The following ZNF138 variants were observed in gnomAD, a reference collection of about 807,000 sequenced individuals.
The protein encoded by ZNF138 is zinc finger protein 138 (clone pHZ-32).
Under a neutral mutation model 33.0 loss-of-function variants are expected in ZNF138, and 33 were observed. The observed-to-expected ratio is 1.00, with a 90% confidence interval of 0.76 to 1.34. The LOEUF (loss-of-function observed/expected upper bound fraction) is 1.34. Ranked by LOEUF, ZNF138 falls within the 40% of genes most tolerant of loss-of-function variation. The probability of loss-of-function intolerance (pLI) is 0.00; values close to 1 mark genes in which losing one functional copy is unlikely to be tolerated. For synonymous variants in ZNF138, 139 were observed against 120.4 expected (o/e 1.15, Z -1.01); for missense variants, 360 against 370.8 (o/e 0.97, Z 0.24).
chr7:64,809,602 C>T (rs1019107963), intron 1 of ZNF138, among the ~76,000 whole-genome samples: 5 of 147,898 alleles, frequency 3.4e-5, no homozygotes, highest in African/African-American at 1.2e-4. Flanking sequence ...GCTGACCCCC[C>T]CCACACCTCC....
At chr7:64,797,624 A>T (rs928273361) in intron 1 of ZNF138, among the ~76,000 whole-genome samples, 1 of 152,200 alleles carries the variant, frequency 6.6e-6, no homozygotes, top group Non-Finnish European at 1.5e-5. Context: ...GAGAAGCTAC[A>T]GAGCCCTGGA....
At chr7:64,825,154 CTTTTTTTTTTTTTTTTTTTTTTT>C (rs71061316) in intron 3 of ZNF138, among the ~76,000 whole-genome samples, 37 of 46,020 alleles carry the variant, frequency 8.0e-4, no homozygotes, top group African/African-American at 3.4e-3. Context: ...GTTGTATGCT[CTTTTTTTTTTTTTTTTTTTTTTT>C]TTTTTTTTTT....
the ZNF138 span, among the ~76,000 whole-genome samples, chr7:64,843,822 A>AT: frequency 2.2e-3 from 260 of 117,890 alleles, 1 homozygote; most frequent in African/African-American, 6.7e-3. Context: ...AGGTTAGTTT[A>AT]TTTTTTTTAT....
chr7:64,850,692 C>T, the ZNF138 span, among the ~76,000 whole-genome samples: 1 of 152,146 alleles, frequency 6.6e-6, no homozygotes, highest in South Asian at 2.1e-4. Context: ...TCTCTCTGTG[C>T]TTGACTCTTC....
chr7:64,815,704 G>A (rs1485929830), intron 3 of ZNF138, 51 bp downstream of exon 3: 2 of 1,513,612 alleles, frequency 1.3e-6, no homozygotes, highest in Non-Finnish European at 1.8e-6. Context: ...CAAAGGCCAA[G>A]GAGAAGACCA....
chr7:64,811,272 G>C (rs1450806266), intron 1 of ZNF138, among the ~76,000 whole-genome samples: 1 of 152,196 alleles, frequency 6.6e-6, no homozygotes, highest in Admixed American at 6.5e-5. Flanking sequence ...CCAGCAAAGT[G>C]CTCTGTAACA....
intron 1 of ZNF138, among the ~76,000 whole-genome samples, chr7:64,809,620 AC>A (rs1166582903): frequency 5.5e-5 from 8 of 145,792 alleles, no homozygotes; most frequent in Non-Finnish European, 1.1e-4. Context: ...TCCCTCCCAG[AC>A]GGGGTGGCTG....
chr7:64,795,269 A>G (rs1025249239), intron 1 of ZNF138, among the ~76,000 whole-genome samples: 42 of 152,170 alleles, frequency 2.8e-4, no homozygotes, highest in African/African-American at 1.0e-3. Context: ...TTTTTTTAAA[A>G]CCAGAAACCC....
At chr7:64,854,126 TG>T in the ZNF138 span, among the ~76,000 whole-genome samples, 1 of 152,224 alleles carries the variant, frequency 6.6e-6, no homozygotes, top group African/African-American at 2.4e-5. Flanking sequence ...TTAATGTTTT[TG>T]TGAATGTATA....
At chr7:64,803,511 A>G (rs770269827) in intron 1 of ZNF138, among the ~76,000 whole-genome samples, 1 of 152,224 alleles carries the variant, frequency 6.6e-6, no homozygotes, top group South Asian at 2.1e-4. Flanking sequence ...TATGAACTGA[A>G]CAGTGGAGTC....
In ZNF138 at chr7:64,794,451, G is replaced by C; in HGVS notation, c.-118G>C. 7.5e-7 allele frequency: 1 copy of C among 1,341,484 alleles called. No homozygotes were observed. Among genetic ancestry groups the C allele is most frequent in the Non-Finnish European group, 1.0e-6 (1 of 1,000,442 alleles). 83.1% of individuals were successfully genotyped at this position (1,341,484 alleles called of 1,614,324 possible). On this transcript the variant is annotated 5_prime_UTR_variant, in exon 1 of 4. Transcript: ENST00000307355. The stretch of plus-strand genomic sequence containing the variant: ...TTGTCTCGCTGCAGCGGGTGCTGCA[G>C]GTCTGGCCTTCACTTTTCTGCGTCC...
At chr7:64,852,534 C>A in the ZNF138 span, 1 of 1,573,576 alleles carries the variant, frequency 6.4e-7, no homozygotes, top group Admixed American at 1.7e-5. Flanking sequence ...TGGTGGTCTT[C>A]ACCATATTTG....
At chr7:64,836,940 G>A (rs1164807696), downstream of ZNF138, 3 of 152,244 alleles carry the variant, frequency 2.0e-5, no homozygotes, top group Non-Finnish European at 4.4e-5. Context: ...CTGAGAGGGG[G>A]CTTGTCAAAG....
At chr7:64,845,931 T>C in the ZNF138 span, among the ~76,000 whole-genome samples, 51,179 of 151,878 alleles carry the variant, frequency 0.34, 9,257 homozygotes, top group Non-Finnish European at 0.4. Context: ...CTTGAGTTGA[T>C]TTTTGTATAA....
intron 1 of ZNF138, among the ~76,000 whole-genome samples, chr7:64,814,476 T>C (rs1030601598): frequency 6.6e-6 from 1 of 152,176 alleles, no homozygotes; most frequent in Non-Finnish European, 1.5e-5. Flanking sequence ...TGTTAAAAAT[T>C]ATTTTATGGG....
rs573691081 is a variant in ZNF138 at position 64,795,290 on chromosome 7, G to T, written c.3+719G>T. Reference sequence around the variant, plus strand: ...TAAAACCAGAAACCCTGGGACTGGAGCGACCTCAGTCTAATTGCCTGCCAC... The same window carrying T: ...TAAAACCAGAAACCCTGGGACTGGATCGACCTCAGTCTAATTGCCTGCCAC... On this transcript the variant is annotated intron_variant, in intron 1 of 3. Coordinates refer to ENST00000307355, the MANE Select transcript of ZNF138 (RefSeq NM_001271639.2). Among the ~76,000 whole-genome samples the T allele has an allele frequency of 3.9e-5, 6 of 152,264 alleles. No individual in the cohort carries two copies. The East Asian group carries it at 5.8e-4, about 15-fold the overall frequency.
At chr7:64,844,318 A>G in the ZNF138 span, among the ~76,000 whole-genome samples, 1 of 152,214 alleles carries the variant, frequency 6.6e-6, no homozygotes, top group African/African-American at 2.4e-5. Flanking sequence ...TGGGCATAAC[A>G]TGAGCACTGG....
At chr7:64,831,343 T>A (rs1412787575) in intron 3 of ZNF138, 108 bp from the exon 4 acceptor site, 1 of 1,069,734 alleles carries the variant, frequency 9.3e-7, no homozygotes, top group East Asian at 2.4e-5. Context: ...GGTATTTTGC[T>A]ATGCCATCTT....
At chr7:64,802,604 C>A (rs1317386934) in intron 1 of ZNF138, among the ~76,000 whole-genome samples, 1 of 151,722 alleles carries the variant, frequency 6.6e-6, no homozygotes. Flanking sequence ...CAAATAAAAC[C>A]CATCTGATGA....
Sources: allele counts gnomAD v4.1 joint callset (sites outside exome capture counted in the v4.1 genomes callset), GRCh38; gene constraint gnomAD v4.1.1; transcripts MANE v1.5; gene names NCBI Gene and HGNC (gene_info 2026-07-23, HGNC 2026-07-21).